Variants in AADACL2 observed in about 807,000 individuals in gnomAD.
AADACL2 encodes arylacetamide deacetylase like 2.
AADACL2 carries 23 observed loss-of-function variants against 22.3 expected under a neutral mutation model. The observed-to-expected ratio is 1.03, with a 90% CI of 0.74 to 1.46. AADACL2 has a LOEUF of 1.46. Ranked by LOEUF, AADACL2 falls within the 40% of genes most tolerant of loss-of-function variation. The pLI is 0.00. For synonymous variants in AADACL2, 177 were observed against 166.2 expected (o/e 1.07, Z -0.50); for missense variants, 472 against 482.9 (o/e 0.98, Z 0.21).
intron 4 of AADACL2, among the ~76,000 whole-genome samples, chr3:151,746,756 A>G (rs1576614246): frequency 6.6e-6 from 1 of 152,234 alleles, no homozygotes; most frequent in South Asian, 2.1e-4. Flanking sequence ...TGACTTTTAA[A>G]TGTTAAATTA....
chr3:151,740,751 A>C lies in AADACL2; in HGVS notation c.244A>C (p.Thr82Pro). 7 of 1,614,008 alleles carry C rather than the reference A, an allele frequency of 4.3e-6. No individual in the cohort carries two copies. Among genetic ancestry groups the C allele is most frequent in the Non-Finnish European group, 5.9e-6 (7 of 1,179,936 alleles). Residue 82 changes from threonine (T) to proline (P), a missense_variant, in exon 2 of 5, where the codon ACT (threonine) becomes CCT (proline). Around this residue, in one of 3 missense-constraint regions of AADACL2, gnomAD observed 356 missense variants for 365.5 expected, o/e 0.97. Transcript: ENST00000356517. ...ACTTTCAGATGAATACATCACAGTG[A>C]CTGATACAACATTTGTTGACATTCC... ...QPLSDEYITV[T>P]DTTFVDIPVR... is the part of the protein sequence containing the mutation.
chr3:151,759,613 T>C lies in AADACL2; in HGVS notation c.*2019T>C, dbSNP rs78373340. 0.093 allele frequency: 14,191 copies of C among 152,292 alleles called. 761 individuals carry two copies. The highest frequency in any genetic ancestry group is 0.14 in the African/African-American group (5,893 of 41,548). The allele number at this position is 152,292 out of a possible 1,614,324, so 9.4% of individuals were successfully genotyped here. A position where few individuals can be genotyped will look rare whatever the true frequency, so the allele number is the denominator to read the frequency against. ...GCAGAGCAGAAAAGCACTTCTTTTT[T>C]TGCTACATAAGTATGTGGTAGAAAT... On this transcript the variant is annotated 3_prime_UTR_variant, in exon 5 of 5. Transcript: ENST00000356517.
rs772579314 is a variant in AADACL2, at chr3:151,745,668, G to A, written c.591G>A (p.Ala197=). The A allele has an allele frequency of 1.7e-5, 28 of 1,609,304 alleles. No homozygotes were observed. Among genetic ancestry groups the A allele is most frequent in the Admixed American group, 8.4e-5 (5 of 59,202 alleles). ...GDSSGGNLAT[A]VTQQVQNDAE... ...GTTCTGGGGGCAATTTAGCAACAGCGGTCACTCAACAGGTACATTATATTT... is the reference window on the plus strand; with the variant it reads ...GTTCTGGGGGCAATTTAGCAACAGCAGTCACTCAACAGGTACATTATATTT... The change falls in exon 4 of 5, where the codon GCG becomes GCA. Residue 197 remains alanine, a synonymous_variant. Coordinates refer to ENST00000356517, the MANE Select transcript of AADACL2 (RefSeq NM_207365.4).
chr3:151,743,609 G>GAAGAC (rs750233666), intron 2 of AADACL2, among the ~76,000 whole-genome samples: 3 of 152,094 alleles, frequency 2.0e-5, no homozygotes, highest in Non-Finnish European at 4.4e-5. Context: ...CATCTTCAAA[G>GAAGAC]AAGACAAGAG....
chr3:151,735,622 G>A (rs1713062168), intron 1 of AADACL2, among the ~76,000 whole-genome samples: 1 of 152,224 alleles, frequency 6.6e-6, no homozygotes, highest in African/African-American at 2.4e-5. Context: ...GCCAGCTGTT[G>A]TGGTGCACGC....
chr3:151,753,457 C>A (rs920507260), intron 4 of AADACL2, among the ~76,000 whole-genome samples: 5 of 152,088 alleles, frequency 3.3e-5, no homozygotes, highest in Non-Finnish European at 5.9e-5. Context: ...TTGGAACATG[C>A]GTGCTAGGAT....
chr3:151,756,723 A>G (rs1713922507), intron 4 of AADACL2, among the ~76,000 whole-genome samples: 1 of 136,360 alleles, frequency 7.3e-6, no homozygotes, highest in Admixed American at 7.2e-5. Context: ...CGCCTTGTAC[A>G]TTCTCTTTCT....
intron 4 of AADACL2, among the ~76,000 whole-genome samples, chr3:151,747,505 A>G (rs991065037): frequency 5.9e-5 from 9 of 152,028 alleles, no homozygotes; most frequent in African/African-American, 2.2e-4. Context: ...AGATTATGCA[A>G]TATTTGTCTG....
Position 151,757,081 on chromosome 3 carries a change from T to G in AADACL2, c.693T>G (p.Ser231=), listed in dbSNP as rs140496674. The G allele has an allele frequency of 6.2e-7, 1 of 1,613,216 alleles. No homozygotes were observed. Among genetic ancestry groups the G allele is most frequent in the Non-Finnish European group, 8.5e-7 (1 of 1,179,550 alleles). The change falls in exon 5 of 5, where the codon TCT becomes TCG. Residue 231 remains serine (S), a synonymous_variant. Transcript: ENST00000356517. ...GLQITDSYLP[S]HRENEHGIVL... ...AGATAACAGATTCTTATTTGCCATC[T>G]CACCGAGAAAATGAGCATGGTATAG...
Position 151,744,173 on chromosome 3 carries a change from T to C in AADACL2, c.431+11T>C. ...TGTTGTAGGCGTGGAGTAAGAATGA[T>C]TTTTTTCTGGCTACTATGATTTTTG... On this transcript the variant is annotated intron_variant, in intron 3 of 4. Coordinates refer to ENST00000356517, the MANE Select transcript of AADACL2 (RefSeq NM_207365.4). The C allele has an allele frequency of 6.2e-7, 1 of 1,612,920 alleles. No homozygotes were observed. Among genetic ancestry groups the C allele is most frequent in the East Asian group, 2.2e-5 (1 of 44,852 alleles).
chr3:151,747,608 TTG>T (rs1713495403), intron 4 of AADACL2, among the ~76,000 whole-genome samples: 1 of 137,926 alleles, frequency 7.3e-6, no homozygotes, highest in Admixed American at 7.0e-5. Context: ...TAATATTCCA[TTG>T]TGTGTGTTTG....
chr3:151,753,039 A>G (rs1028187261), intron 4 of AADACL2, among the ~76,000 whole-genome samples: 1 of 152,176 alleles, frequency 6.6e-6, no homozygotes, highest in African/African-American at 2.4e-5. Flanking sequence ...TTAATCAGAA[A>G]TTATAATTAA....
chr3:151,757,739 TATTAA>T lies in AADACL2; in HGVS notation c.*149_*153del. Reference sequence around the variant, plus strand: ...CAGTTAATGTGTGTCCTTGAAGAGTTATTAAATTTTCTGACTTGCAGACCCTGAAT... The same window carrying T: ...CAGTTAATGTGTGTCCTTGAAGAGTTATTTTCTGACTTGCAGACCCTGAAT... On this transcript the variant is annotated 3_prime_UTR_variant, in exon 5 of 5. Coordinates refer to ENST00000356517, the MANE Select transcript of AADACL2 (RefSeq NM_207365.4). The T allele has an allele frequency of 9.5e-7, 1 of 1,050,442 alleles. No homozygotes were observed. The highest frequency in any genetic ancestry group is 1.3e-6 in the Non-Finnish European group (1 of 757,274). 65.1% of individuals were successfully genotyped at this position (1,050,442 alleles called of 1,614,324 possible).
chr3:151,754,355 T>C (rs947145967), intron 4 of AADACL2, among the ~76,000 whole-genome samples: 1 of 152,148 alleles, frequency 6.6e-6, no homozygotes, highest in African/African-American at 2.4e-5. Context: ...AATAAGTTAC[T>C]TTCTTGATGA....
rs1372947233 is a variant in AADACL2 at position 151,759,061 on chromosome 3, C to T, written c.*1467C>T. 1 of 152,018 alleles carries T rather than the reference C, an allele frequency of 6.6e-6. No homozygotes were observed. Among genetic ancestry groups the T allele is most frequent in the African/African-American group, 2.4e-5 (1 of 41,388 alleles). 9.4% of individuals were successfully genotyped at this position (152,018 alleles called of 1,614,324 possible). A position where few individuals can be genotyped will look rare whatever the true frequency, so the allele number is the denominator to read the frequency against. The stretch of plus-strand genomic sequence containing the variant: ...TTTCAGTACCCCAAAGCTAAAAACG[C>T]AAACATGACTATGACAAATGAAAAT... On this transcript the variant is annotated 3_prime_UTR_variant, in exon 5 of 5. Transcript: ENST00000356517.
chr3:151,744,061 G>T, intron 2 of AADACL2, 32 bp from the exon 3 acceptor site: 1 of 1,601,232 alleles, frequency 6.2e-7, no homozygotes, highest in Non-Finnish European at 8.6e-7. Context: ...TTAATTACAG[G>T]AAATACTTTG....
intron 2 of AADACL2, 124 bp from the exon 3 acceptor site, chr3:151,743,969 G>C (rs1169967855): frequency 4.3e-6 from 4 of 924,460 alleles, no homozygotes; most frequent in Non-Finnish European, 6.6e-6. Context: ...GCTTGGAAAT[G>C]GGGGGTGGAA....
intron 1 of AADACL2, among the ~76,000 whole-genome samples, chr3:151,736,413 C>T (rs781754492): frequency 9.3e-5 from 14 of 151,284 alleles, no homozygotes; most frequent in Non-Finnish European, 1.8e-4. Context: ...CCTATCAACT[C>T]GTCATCTAGG....
At chr3:151,751,411 AAAC>A (rs1037984638) in intron 4 of AADACL2, 3 of 152,184 alleles carry the variant, frequency 2.0e-5, no homozygotes, top group Non-Finnish European at 4.4e-5. Flanking sequence ...AGCATAACTG[AAAC>A]AACAATTGGG....
Sources: allele counts gnomAD v4.1 joint callset (sites outside exome capture counted in the v4.1 genomes callset), GRCh38; gene constraint gnomAD v4.1.1; regional missense constraint gnomAD v4.1.1; transcripts MANE v1.5; gene names NCBI Gene and HGNC (gene_info 2026-07-23, HGNC 2026-07-21).